Variants in PHC2 observed in about 807,000 individuals in gnomAD.
PHC2 encodes polyhomeotic homolog 2, also known as polyhomeotic-like protein 2.
Under a neutral mutation model 87.4 loss-of-function variants are expected in PHC2, and 29 were observed. The ratio of observed to expected loss-of-function variants is 0.33; its 90% CI spans 0.25 to 0.45. The LOEUF is 0.45. Among genes scored for constraint, PHC2 ranks in the 20% least tolerant of loss-of-function variants. The pLI, the probability that PHC2 is intolerant of heterozygous loss-of-function variation, is 1.00. For synonymous variants in PHC2, 438 were observed against 461.7 expected (o/e 0.95, Z 0.66); for missense variants, 857 against 1,136.7 (o/e 0.75, Z 3.54).
chr1:33,430,206 T>A (rs979398835), intron 1 of PHC2, among the ~76,000 whole-genome samples: 2 of 152,212 alleles, frequency 1.3e-5, no homozygotes, highest in Admixed American at 6.5e-5. Flanking sequence ...CCTCCGTGTA[T>A]GACAGACCCG....
intron 1 of PHC2, among the ~76,000 whole-genome samples, chr1:33,380,440 GT>G (rs1363221812): frequency 6.6e-6 from 1 of 152,178 alleles, no homozygotes; most frequent in Non-Finnish European, 1.5e-5. Context: ...TTGTCCTTTT[GT>G]GTCTGGCTTG....
chr1:33,367,409 C>T lies in PHC2; in HGVS notation c.683G>A (p.Arg228Gln), dbSNP rs912594336. The T allele has an allele frequency of 5.1e-6, 8 of 1,579,090 alleles. No homozygotes were observed. Among genetic ancestry groups the T allele is most frequent in the African/African-American group, 2.7e-5 (2 of 74,160 alleles). Residue 228 changes from arginine (R) to glutamine (Q), a missense_variant, in exon 7 of 15, where the codon CGA becomes CAA. This residue lies in a region of PHC2 where 832 missense variants were observed against 1,081.8 expected (regional missense o/e 0.77). Transcript: ENST00000683057. The part of the protein sequence containing the change: ...TPAQVQNLTL[R>Q]TQQTPAAAAS... Reference sequence around the variant, plus strand: ...TGCTGCCGCTGGTGTCTGCTGTGTTCGGAGGGTCAAGTTCTGTACCTGGAA... The same window carrying T: ...TGCTGCCGCTGGTGTCTGCTGTGTTTGGAGGGTCAAGTTCTGTACCTGGAA...
rs569976753 is a variant in PHC2, at chr1:33,369,432, A to G, written c.577-810T>C. On this transcript the variant is annotated intron_variant, in intron 5 of 14. Transcript: ENST00000683057. This position sits in a 1 kb window ranked among gnomAD's most constrained non-coding sequence, Gnocchi z 4.7. ...CATCACGACCCCAGTGGAGTAGGAC[A>G]TAGGGACAAGCAACCTGCAGACACA... is the stretch of plus-strand genomic sequence containing the variant. Among the ~76,000 whole-genome samples the G allele has an allele frequency of 7.9e-5, 12 of 152,326 alleles. No homozygotes were observed. Among genetic ancestry groups the G allele is most frequent in the Admixed American group, 2.0e-4 (3 of 15,312 alleles).
intron 1 of PHC2, among the ~76,000 whole-genome samples, chr1:33,406,169 TTTTA>T (rs1649754179): frequency 6.6e-6 from 1 of 152,182 alleles, no homozygotes; most frequent in Non-Finnish European, 1.5e-5. Flanking sequence ...TTTGAGGTCA[TTTTA>T]TTTGATGAAT....
At position 33,370,431 on chromosome 1, in the gene PHC2, C is replaced by T. The variant is rs1337805435; in HGVS notation, c.566G>A (p.Arg189Lys). Reference sequence around the variant, plus strand: ...GCCATGGGTACTCACCATCTGTGCCCTCAGATACATCTGTGCTTGGCTTGC... The same window carrying T: ...GCCATGGGTACTCACCATCTGTGCCTTCAGATACATCTGTGCTTGGCTTGC... ...LTASQAQMYL[R>K]AQMLIFTPTA... is the part of the protein sequence containing the mutation. Residue 189 changes from arginine (R) to lysine (K), a missense_variant, in exon 5 of 15, where the codon AGG (arginine) becomes AAG (lysine). By Grantham distance (26) the Arg-to-Lys change is conservative (BLOSUM62 2). Around this residue, in one of 3 missense-constraint regions of PHC2, gnomAD observed 832 missense variants for 1,081.8 expected, o/e 0.77. Coordinates refer to ENST00000683057, the MANE Select transcript of PHC2 (RefSeq NM_001385109.1). 2 of 1,613,522 alleles carry T rather than the reference C, an allele frequency of 1.2e-6. No individual in the cohort carries two copies. The highest frequency in any genetic ancestry group is 1.7e-6 in the Non-Finnish European group (2 of 1,179,656).
rs1647712959 is a variant in PHC2 at position 33,369,830 on chromosome 1, G to GGCTCCTAGTAGGCTCCTAA, written c.576+590_576+591insTTAGGAGCCTACTAGGAGC. Among the ~76,000 whole-genome samples, 1 of 152,104 alleles carries GGCTCCTAGTAGGCTCCTAA rather than the reference G, an allele frequency of 6.6e-6. No individual in the cohort carries two copies. Among genetic ancestry groups the GGCTCCTAGTAGGCTCCTAA allele is most frequent in the Admixed American group, 6.5e-5 (1 of 15,284 alleles). On this transcript the variant is annotated intron_variant, in intron 5 of 14. Transcript: ENST00000683057. The surrounding 1 kb of genome is among the most constrained non-coding windows in gnomAD (Gnocchi z 4.7). ...TCCCAGGGCATTCTCCTAAATCTTAGGGACCTGGTAGGCTCCTAAGGACCT... is the reference window on the plus strand; with the variant it reads ...TCCCAGGGCATTCTCCTAAATCTTAGGCTCCTAGTAGGCTCCTAAGGACCTGGTAGGCTCCTAAGGACCT...
intron 5 of PHC2, 62 bp downstream of exon 5, chr1:33,370,359 C>T (rs1647745080): frequency 2.0e-6 from 3 of 1,537,296 alleles, no homozygotes; most frequent in Non-Finnish European, 2.7e-6. Flanking sequence ...TCCCAGCTCC[C>T]AGCTTCTCTG....
At chr1:33,407,576 T>C (rs1195669695) in intron 1 of PHC2, among the ~76,000 whole-genome samples, 5 of 152,142 alleles carry the variant, frequency 3.3e-5, no homozygotes, top group Non-Finnish European at 2.9e-5. Context: ...GCACTTGAGA[T>C]TCCTGGATTA....
intron 1 of PHC2, among the ~76,000 whole-genome samples, 182 bp from the exon 2 acceptor site, chr1:33,375,775 T>C (rs1319142975): frequency 6.6e-6 from 1 of 152,252 alleles, no homozygotes; most frequent in Non-Finnish European, 1.5e-5. Flanking sequence ...CATTATTCCC[T>C]AACCAATACA....
At position 33,354,550 on chromosome 1, in the gene PHC2, G is replaced by T. The variant is rs1368067191; in HGVS notation, c.1409C>A (p.Pro470His). 1.9e-6 allele frequency: 3 copies of T among 1,613,746 alleles called. No homozygotes were observed. The highest frequency in any genetic ancestry group is 4.5e-5 in the East Asian group (2 of 44,888). ...TGGTGCCACTTCTTTCCAGTCATCAGGGACACACTGCTGGGGCTGTCAAAG... is the reference window on the plus strand; with the variant it reads ...TGGTGCCACTTCTTTCCAGTCATCATGGACACACTGCTGGGGCTGTCAAAG... ...PASPVPQQCV[P>H]DDWKEVAPGE... The change falls in exon 9 of 15, where the codon CCT becomes CAT. Residue 470 changes from proline (P) to histidine (H), a missense_variant. Transcript: ENST00000683057.
chr1:33,372,253 C>A, intron 3 of PHC2, 36 bp downstream of exon 3: 1 of 1,482,126 alleles, frequency 6.7e-7, no homozygotes, highest in Non-Finnish European at 9.0e-7. Flanking sequence ...AACCAGGATG[C>A]CTGGCACCAG....
At chr1:33,333,080 G>A (rs1646539945) in intron 10 of PHC2, among the ~76,000 whole-genome samples, 1 of 152,174 alleles carries the variant, frequency 6.6e-6, no homozygotes, top group Non-Finnish European at 1.5e-5. Context: ...ATGAGATCAG[G>A]TGGTTTCTAG....
intron 1 of PHC2, among the ~76,000 whole-genome samples, chr1:33,386,725 T>TACACAGTGTGCACACAAAGTGCAC (rs1648773114): frequency 1.3e-5 from 2 of 151,814 alleles, no homozygotes. Context: ...ACACAGTGCA[T>TACACAGTGTGCACACAAAGTGCAC]ACACAGTGTG....
At chr1:33,393,072 G>T (rs1027951227) in intron 1 of PHC2, among the ~76,000 whole-genome samples, 1 of 152,084 alleles carries the variant, frequency 6.6e-6, no homozygotes, top group Non-Finnish European at 1.5e-5. Flanking sequence ...CCTTACAAAA[G>T]CATGAGAGTT....
At chr1:33,377,614 C>T (rs1432086146) in intron 1 of PHC2, among the ~76,000 whole-genome samples, 1 of 151,870 alleles carries the variant, frequency 6.6e-6, no homozygotes, top group African/African-American at 2.4e-5. Context: ...CCCATTCCTT[C>T]CTACATGGAA....
intron 1 of PHC2, among the ~76,000 whole-genome samples, chr1:33,419,802 G>C (rs996509933): frequency 6.6e-6 from 1 of 152,004 alleles, no homozygotes; most frequent in Non-Finnish European, 1.5e-5. Flanking sequence ...GTAGAGACGG[G>C]GTTTCACCGT....
chr1:33,335,409 T>C, intron 9 of PHC2: 2 of 876,838 alleles, frequency 2.3e-6, no homozygotes, highest in Non-Finnish European at 2.7e-6. Context: ...AGTCCATTAA[T>C]ATAAAGCATA....
rs1037189749 is a variant in PHC2, at chr1:33,355,851, C to G, written c.977-598G>C. On this transcript the variant is annotated intron_variant, in intron 7 of 14. Transcript: ENST00000683057. The stretch of plus-strand genomic sequence containing the variant: ...GAAATAACTACTCTCTGGGCCTCAG[C>G]TTCCCAATCTAAAAATTGAAAATAT... Among the ~76,000 whole-genome samples the G allele has an allele frequency of 1.4e-4, 22 of 152,342 alleles. No individual in the cohort carries two copies. The East Asian group carries it at 4.2e-3, about 29-fold the overall frequency.
chr1:33,421,243 C>T (rs1322438625), intron 1 of PHC2, among the ~76,000 whole-genome samples: 1 of 151,976 alleles, frequency 6.6e-6, no homozygotes, highest in Non-Finnish European at 1.5e-5. Context: ...GTCTACAATT[C>T]TGGTATGCAT....
Sources: gnomAD v4.1 joint callset for allele counts (sites outside exome capture counted in the v4.1 genomes callset) on GRCh38, gnomAD v4.1.1 for gene constraint, gnomAD v4.1.1 regional missense constraint, Gnocchi (gnomAD v3.1) non-coding constraint, MANE v1.5 for transcripts, NCBI Gene and HGNC (gene_info 2026-07-23, HGNC 2026-07-21) for gene names.